Variants in FREM1 observed in about 807,000 individuals in gnomAD.
The protein encoded by FREM1 is FRAS1-related extracellular matrix protein 1.
A neutral mutation model predicts 210.1 loss-of-function variants in FREM1; 220 were observed. The ratio of observed to expected loss-of-function variants is 1.05; its 90% CI spans 0.94 to 1.17. The LOEUF (loss-of-function observed/expected upper bound fraction) is 1.17. Ranked by LOEUF, FREM1 falls within the 50% of genes most tolerant of loss-of-function variation. FREM1 has a pLI of 0.00. For missense variants in FREM1, 3,454 were observed against 2,675.5 expected (o/e 1.29, Z -6.42); for synonymous variants, 1,189 against 980.2 (o/e 1.21, Z -3.98).
chr9:14,762,724 C>G (rs1393963874), intron 27 of FREM1, among the ~76,000 whole-genome samples: 1 of 148,268 alleles, frequency 6.7e-6, no homozygotes, highest in Non-Finnish European at 1.5e-5. Context: ...TGCATACCCA[C>G]AGAATATGTA....
At position 14,836,532 on chromosome 9, in the gene FREM1, C is replaced by T. The variant is rs532191347; in HGVS notation, c.1881+4915G>A. On this transcript the variant is annotated intron_variant, in intron 10 of 36. Coordinates refer to ENST00000380880, the MANE Select transcript of FREM1 (RefSeq NM_001379081.2). The surrounding 1 kb of genome is among the most constrained non-coding windows in gnomAD (Gnocchi z 4.9). ...GGAAAATGCCGGCTTCAGCCCTGGG[C>T]GGCTACAATCCCTCTTTAATAAATT... is the stretch of plus-strand genomic sequence containing the variant. Among the ~76,000 whole-genome samples, 188 of 152,286 alleles carry T rather than the reference C, an allele frequency of 1.2e-3. 1 individual carries two copies. The highest frequency in any genetic ancestry group is 4.0e-3 in the African/African-American group (168 of 41,554).
intron 6 of FREM1, chr9:14,850,300 G>C (rs146919080): frequency 1.3e-5 from 2 of 152,204 alleles, no homozygotes; most frequent in Middle Eastern, 3.4e-3. Context: ...GTTTCACTGT[G>C]AAATTAGTTA....
rs546032135 is a variant in FREM1 at position 14,766,624 on chromosome 9, C to T, written c.5204+3100G>A. 4.1e-4 allele frequency among the ~76,000 whole-genome samples: 63 copies of T among 152,242 alleles called. 1 individual carries two copies. The highest frequency in any genetic ancestry group is 1.4e-3 in the African/African-American group (59 of 41,558). On this transcript the variant is annotated intron_variant, in intron 27 of 36. Coordinates refer to ENST00000380880, the MANE Select transcript of FREM1 (RefSeq NM_001379081.2). ...GGACTCCACAGGAATCCTGCAATAG[C>T]CAAAACTGACCAACAGTCAAGATTC...
intron 25 of FREM1, chr9:14,774,255 C>A: frequency 2.1e-6 from 1 of 470,018 alleles, no homozygotes; most frequent in Non-Finnish European, 4.2e-6. Context: ...GATGGGATTA[C>A]GTTTACATCA....
chr9:14,774,013 A>G (rs1181072605), intron 25 of FREM1: 1 of 491,678 alleles, frequency 2.0e-6, no homozygotes, highest in African/African-American at 2.0e-5. Context: ...AAGATCAATT[A>G]AAACATATGA....
At chr9:14,864,017 G>C in intron 2 of FREM1, 114 bp from the exon 3 acceptor site, 1 of 669,234 alleles carries the variant, frequency 1.5e-6, no homozygotes, top group Non-Finnish European at 2.7e-6. Context: ...ATGTGTGTAT[G>C]TGTGTGAGTG....
At chr9:14,783,539 A>C (rs1849952167) in intron 24 of FREM1, among the ~76,000 whole-genome samples, 1 of 152,174 alleles carries the variant, frequency 6.6e-6, no homozygotes, top group Non-Finnish European at 1.5e-5. Context: ...GGTTCGTTCA[A>C]AGTCCAACAT....
intron 15 of FREM1, among the ~76,000 whole-genome samples, chr9:14,816,147 T>C (rs935741462): frequency 2.6e-5 from 4 of 152,228 alleles, no homozygotes; most frequent in African/African-American, 4.8e-5. Flanking sequence ...CTGAGTTTTA[T>C]AGTTCAAAGA....
chr9:14,905,336 G>C (rs1478161989), intron 1 of FREM1, among the ~76,000 whole-genome samples: 2 of 152,132 alleles, frequency 1.3e-5, no homozygotes, highest in Non-Finnish European at 2.9e-5. Context: ...GTGATGGTTC[G>C]CAGGCTCACT....
chr9:14,812,963 A>G lies in FREM1; in HGVS notation c.2742T>C (p.Ile914=). The G allele has an allele frequency of 6.2e-7, 1 of 1,613,962 alleles. No individual in the cohort carries two copies. The highest frequency in any genetic ancestry group is 1.7e-5 in the Admixed American group (1 of 60,016). The change falls in exon 16 of 37, where the codon ATT becomes ATC. Residue 914 remains isoleucine, a synonymous_variant. Coordinates refer to ENST00000380880, the MANE Select transcript of FREM1 (RefSeq NM_001379081.2). ...TATCGCTGTCCACATCAGTAGCAAA[A>G]ATGTATTCAGAGGTGATGACCACCT... ...GGEVVITSEY[I]FATDVDSDNL...
chr9:14,767,575 C>A (rs1233255730), intron 27 of FREM1, among the ~76,000 whole-genome samples: 2 of 152,096 alleles, frequency 1.3e-5, no homozygotes, highest in Non-Finnish European at 2.9e-5. Context: ...GAGCAAACAC[C>A]AATTATATTG....
At chr9:14,831,322 G>A (rs1030801488) in intron 10 of FREM1, among the ~76,000 whole-genome samples, 1 of 152,190 alleles carries the variant, frequency 6.6e-6, no homozygotes, top group African/African-American at 2.4e-5. Context: ...TTACAGTCTA[G>A]GAACAAAGTT....
intron 1 of FREM1, among the ~76,000 whole-genome samples, chr9:14,874,201 G>C (rs1002973517): frequency 6.6e-6 from 1 of 152,150 alleles, no homozygotes; most frequent in Non-Finnish European, 1.5e-5. Context: ...GTGCAGAGGT[G>C]AGTTCAATTC....
chr9:14,777,952 G>C (rs1356667565), intron 24 of FREM1, among the ~76,000 whole-genome samples: 1 of 152,146 alleles, frequency 6.6e-6, no homozygotes, highest in African/African-American at 2.4e-5. Context: ...TAATTATCTA[G>C]TTAATAAGAC....
At position 14,840,188 on chromosome 9, in the gene FREM1, C is replaced by A. The variant is rs556136295; in HGVS notation, c.1881+1259G>T. On this transcript the variant is annotated intron_variant, in intron 10 of 36. Transcript: ENST00000380880. ...CAGTGTCTATGACATTATGGGAAGGCATTATGTGACAAATAGGACCCTTGC... is the reference window on the plus strand; with the variant it reads ...CAGTGTCTATGACATTATGGGAAGGAATTATGTGACAAATAGGACCCTTGC... Among the ~76,000 whole-genome samples the A allele has an allele frequency of 2.6e-5, 4 of 152,294 alleles. No homozygotes were observed. The East Asian group carries it at 7.7e-4, about 29-fold the overall frequency.
At chr9:14,784,029 A>G (rs1850025296) in intron 24 of FREM1, among the ~76,000 whole-genome samples, 1 of 152,212 alleles carries the variant, frequency 6.6e-6, no homozygotes, top group Non-Finnish European at 1.5e-5. Flanking sequence ...TCGTAGCAGA[A>G]CTTGCATAAA....
intron 36 of FREM1, among the ~76,000 whole-genome samples, chr9:14,738,533 C>G (rs1394106968): frequency 5.9e-5 from 9 of 152,156 alleles, no homozygotes; most frequent in Non-Finnish European, 1.3e-4. Context: ...AACTTATCCT[C>G]CAGCTTGTCT....
chr9:14,768,917 T>C (rs1478174952), intron 27 of FREM1, among the ~76,000 whole-genome samples: 1 of 152,154 alleles, frequency 6.6e-6, no homozygotes, highest in East Asian at 1.9e-4. Context: ...ACAACTTTTC[T>C]TTGGGGTTTC....
At chr9:14,744,731 T>A (rs186159739) in intron 35 of FREM1, among the ~76,000 whole-genome samples, 1 of 152,216 alleles carries the variant, frequency 6.6e-6, no homozygotes, top group East Asian at 1.9e-4. Context: ...TTTTTTAGTA[T>A]GTATTTTTAT....
Sources: allele counts gnomAD v4.1 joint callset (sites outside exome capture counted in the v4.1 genomes callset), GRCh38; gene constraint gnomAD v4.1.1; non-coding constraint Gnocchi (gnomAD v3.1); transcripts MANE v1.5; gene names NCBI Gene and HGNC (gene_info 2026-07-23, HGNC 2026-07-21).